Variants in LDLRAD4 observed in about 807,000 individuals in gnomAD.
The protein encoded by LDLRAD4 is low-density lipoprotein receptor class A domain-containing protein 4.
LDLRAD4 carries 5 observed loss-of-function variants against 17.0 expected under a neutral mutation model. The ratio of observed to expected loss-of-function variants is 0.29; its 90% CI spans 0.15 to 0.62. LDLRAD4 has a LOEUF of 0.62. Ranked by LOEUF, LDLRAD4 falls within the 20% of genes least tolerant of loss-of-function variation. The pLI is 0.84. For synonymous variants in LDLRAD4, 168 were observed against 171.8 expected (o/e 0.98, Z 0.17); for missense variants, 340 against 424.7 (o/e 0.80, Z 1.75).
intron 3 of LDLRAD4, among the ~76,000 whole-genome samples, chr18:13,570,690 C>T (rs1387432349): frequency 6.6e-6 from 1 of 152,266 alleles, no homozygotes; most frequent in African/African-American, 2.4e-5. Flanking sequence ...TCTGGAGCCT[C>T]ATAGTCTCCT....
At chr18:13,639,308 C>T (rs2042328449) in intron 4 of LDLRAD4, among the ~76,000 whole-genome samples, 1 of 152,184 alleles carries the variant, frequency 6.6e-6, no homozygotes, top group African/African-American at 2.4e-5. Context: ...AAGAGACCCC[C>T]AACCTAGACA....
chr18:13,410,475 A>C (rs537662485), intron 2 of LDLRAD4, among the ~76,000 whole-genome samples: 4 of 152,340 alleles, frequency 2.6e-5, no homozygotes, highest in African/African-American at 9.6e-5. Flanking sequence ...TCACATTTAA[A>C]ATTATCTCAA....
exon 2 of LDLRAD4, chr18:13,387,756 T>G (rs1347781402): frequency 1.9e-6 from 3 of 1,613,726 alleles, no homozygotes; most frequent in Non-Finnish European, 2.5e-6. Flanking sequence ...CACAAATGCT[T>G]TCACAGGTGA....
chr18:13,286,838 AG>A (rs1378940212), intron 1 of LDLRAD4, among the ~76,000 whole-genome samples: 1 of 152,098 alleles, frequency 6.6e-6, no homozygotes, highest in Non-Finnish European at 1.5e-5. Flanking sequence ...TGTGGAGAAG[AG>A]GCCTGGGGTG....
intron 1 of LDLRAD4, among the ~76,000 whole-genome samples, chr18:13,254,831 G>A (rs2043416629): frequency 6.6e-6 from 1 of 152,154 alleles, no homozygotes; most frequent in Non-Finnish European, 1.5e-5. Context: ...GGGCGTAGTG[G>A]CACTTGCCTG....
intron 3 of LDLRAD4, among the ~76,000 whole-genome samples, chr18:13,527,354 G>T (rs756745484): frequency 5.3e-5 from 8 of 152,240 alleles, no homozygotes; most frequent in Non-Finnish European, 8.8e-5. Context: ...CATGAACTGT[G>T]CCTTGTATAG....
At chr18:13,317,166 C>T (rs551765020) in intron 1 of LDLRAD4, among the ~76,000 whole-genome samples, 10 of 152,350 alleles carry the variant, frequency 6.6e-5, no homozygotes, top group African/African-American at 2.4e-4. Flanking sequence ...CCAAAGATAG[C>T]AGCTTCTCAC....
chr18:13,511,410 G>C (rs911800779), intron 3 of LDLRAD4, among the ~76,000 whole-genome samples: 11 of 152,148 alleles, frequency 7.2e-5, no homozygotes, highest in African/African-American at 2.7e-4. Context: ...TACTGAGGAG[G>C]CTGAGGCAGG....
chr18:13,505,689 G>C (rs4060876), intron 3 of LDLRAD4, among the ~76,000 whole-genome samples: 1 of 21,056 alleles, frequency 4.7e-5, no homozygotes, highest in South Asian at 2.3e-3. Flanking sequence ...GTGGTGGTGG[G>C]CACCTGTAGT....
chr18:13,349,405 G>A (rs144102180), intron 1 of LDLRAD4, among the ~76,000 whole-genome samples: 20 of 152,270 alleles, frequency 1.3e-4, no homozygotes, highest in African/African-American at 4.8e-4. Flanking sequence ...AGAATAAAAA[G>A]TGGAGTTACA....
chr18:13,437,388 T>G (rs1392946739), intron 2 of LDLRAD4, among the ~76,000 whole-genome samples: 4 of 152,266 alleles, frequency 2.6e-5, no homozygotes, highest in Non-Finnish European at 4.4e-5. Context: ...TAAGATGTAA[T>G]GGACCTTTCT....
At chr18:13,402,525 T>C (rs1020570111) in intron 2 of LDLRAD4, among the ~76,000 whole-genome samples, 4 of 152,244 alleles carry the variant, frequency 2.6e-5, no homozygotes, top group African/African-American at 9.6e-5. Flanking sequence ...CTCTTCGTTT[T>C]TAAGTGAAAA....
chr18:13,474,563 G>A (rs2092888102), intron 3 of LDLRAD4, among the ~76,000 whole-genome samples: 1 of 152,234 alleles, frequency 6.6e-6, no homozygotes. Flanking sequence ...GGGGCCAGGT[G>A]GGTCTTGCTC....
intron 1 of LDLRAD4, among the ~76,000 whole-genome samples, chr18:13,250,326 T>C (rs2043169852): frequency 6.6e-6 from 1 of 152,200 alleles, no homozygotes; most frequent in African/African-American, 2.4e-5. Flanking sequence ...TTTGGCTTTT[T>C]TTTTCCTATT....
At chr18:13,377,382 C>T (rs1465446762) in intron 1 of LDLRAD4, among the ~76,000 whole-genome samples, 1 of 152,182 alleles carries the variant, frequency 6.6e-6, no homozygotes, top group Non-Finnish European at 1.5e-5. Context: ...GCTTGAATTG[C>T]AAGTCATTCT....
chr18:13,643,916 G>A (rs2042840031), intron 5 of LDLRAD4, among the ~76,000 whole-genome samples: 1 of 152,184 alleles, frequency 6.6e-6, no homozygotes, highest in Non-Finnish European at 1.5e-5. Flanking sequence ...ATGCGTGTGT[G>A]TGTGTATGTA....
intron 1 of LDLRAD4, among the ~76,000 whole-genome samples, chr18:13,230,140 C>G (rs1337800898): frequency 6.6e-6 from 1 of 152,172 alleles, no homozygotes; most frequent in Non-Finnish European, 1.5e-5. Flanking sequence ...GCTTGTTCAC[C>G]CCTTCCACCA....
intron 3 of LDLRAD4, among the ~76,000 whole-genome samples, chr18:13,466,885 A>G (rs1209100782): frequency 1.3e-5 from 2 of 152,230 alleles, no homozygotes; most frequent in Admixed American, 6.5e-5. Context: ...TTATAAGGAC[A>G]CTAATCCCAT....
At chr18:13,414,966 C>T (rs936431957) in intron 2 of LDLRAD4, among the ~76,000 whole-genome samples, 3 of 152,226 alleles carry the variant, frequency 2.0e-5, no homozygotes, top group Admixed American at 1.3e-4. Context: ...GTGGTTCAAA[C>T]TGGAGATGTC....
Sources: allele counts gnomAD v4.1 joint callset (sites outside exome capture counted in the v4.1 genomes callset), GRCh38; gene constraint gnomAD v4.1.1; transcripts MANE v1.5; gene names NCBI Gene and HGNC (gene_info 2026-07-23, HGNC 2026-07-21).